Variants in WDR44 observed in about 807,000 individuals in gnomAD.
The protein encoded by WDR44 is WD repeat-containing protein 44.
Under a neutral mutation model 65.7 loss-of-function variants are expected in WDR44, and 9 were observed. That is an observed-to-expected ratio of 0.14 (90% CI 0.08 to 0.24). WDR44 has a LOEUF of 0.24. Ranked by LOEUF, WDR44 falls within the 10% of genes least tolerant of loss-of-function variation. The pLI is 1.00. For synonymous variants in WDR44, 220 were observed against 235.2 expected, an observed-to-expected ratio of 0.94 and a Z score of 0.59; for missense variants, 425 against 670.9, an observed-to-expected ratio of 0.63 and a Z score of 4.05.
Position 118,443,557 on chromosome X carries a change from C to T in WDR44, c.2385-3C>T. 1.7e-6 allele frequency: 2 copies of T among 1,207,496 alleles called. No homozygotes were observed. ...TTGCTTTTCCTTTCTCCCCAAAATTCAGCCATGATTTTACTTACCTCGTTA... is the reference window on the plus strand; with the variant it reads ...TTGCTTTTCCTTTCTCCCCAAAATTTAGCCATGATTTTACTTACCTCGTTA... On this transcript the variant is annotated splice_region_variant and splice_polypyrimidine_tract_variant and intron_variant, in intron 17 of 19. Transcript: ENST00000254029.
Position 118,417,822 on chromosome X carries a change from T to C in WDR44, c.1737+6863T>C, listed in dbSNP as rs2057070127. ...TCTTCTTCCTCAGGAACATCAGTTA[T>C]TCTTAGGTTTGGTGTTTAACATAAT... On this transcript the variant is annotated intron_variant, in intron 12 of 19. Coordinates refer to ENST00000254029, the MANE Select transcript of WDR44 (RefSeq NM_019045.5). Among the ~76,000 whole-genome samples the C allele has an allele frequency of 7.1e-5, 8 of 112,132 alleles. No individual in the cohort carries two copies. The Admixed American group carries it at 7.6e-4, about 11-fold the overall frequency.
Position 118,443,439 on chromosome X carries a change from T to C in WDR44, c.2385-121T>C, listed in dbSNP as rs2057318793. On this transcript the variant is annotated intron_variant, in intron 17 of 19. Coordinates refer to ENST00000254029, the MANE Select transcript of WDR44 (RefSeq NM_019045.5). ...TAGAGTGAGACCATGGGTCTACATATTCAACAAGACCCTTCAAGTGTTATT... is the reference window on the plus strand; with the variant it reads ...TAGAGTGAGACCATGGGTCTACATACTCAACAAGACCCTTCAAGTGTTATT... The C allele has an allele frequency of 4.6e-6, 4 of 860,373 alleles. No individual in the cohort carries two copies. In the East Asian group the frequency reaches 1.3e-4, roughly 29 times the overall value. 70.9% of individuals were successfully genotyped at this position (860,373 alleles called of 1,213,427 possible).
At chrX:118,373,651 T>C (rs1296699933) in intron 1 of WDR44, among the ~76,000 whole-genome samples, 4 of 111,423 alleles carry the variant, frequency 3.6e-5, no homozygotes. Flanking sequence ...ATAATTATCT[T>C]CTTTTAAGTC....
chrX:118,379,226 T>C (rs1440189320), intron 2 of WDR44, among the ~76,000 whole-genome samples: 2 of 110,920 alleles, frequency 1.8e-5, no homozygotes, highest in African/African-American at 6.6e-5. Context: ...GTATAAGATA[T>C]CACCAAATGG....
At chrX:118,448,393 G>C (rs888980883) in intron 19 of WDR44, among the ~76,000 whole-genome samples, 1 of 111,753 alleles carries the variant, frequency 8.9e-6, no homozygotes, top group African/African-American at 3.3e-5. Flanking sequence ...ATGGCAAAAG[G>C]TGCTGTCAGC....
At chrX:118,410,760 A>G in intron 11 of WDR44, 135 bp from the exon 12 acceptor site, 1 of 521,455 alleles carries the variant, frequency 1.9e-6, no homozygotes, top group Non-Finnish European at 3.1e-6. Flanking sequence ...TTATGCCTCA[A>G]TTGTTAGTAT....
intron 1 of WDR44, among the ~76,000 whole-genome samples, chrX:118,375,013 T>G (rs187352797): frequency 8.9e-6 from 1 of 111,951 alleles, no homozygotes; most frequent in African/African-American, 3.2e-5. Flanking sequence ...CTGTATAGTT[T>G]GTACACAGTT....
intron 2 of WDR44, among the ~76,000 whole-genome samples, chrX:118,380,084 GTAAA>G (rs1391350818): frequency 8.9e-6 from 1 of 111,737 alleles, no homozygotes; most frequent in Non-Finnish European, 1.9e-5. Context: ...TACATATTTA[GTAAA>G]TAAATATGAA....
chrX:118,426,947 TG>T (rs1445470961), intron 12 of WDR44, among the ~76,000 whole-genome samples: 2 of 111,455 alleles, frequency 1.8e-5, no homozygotes, highest in Non-Finnish European at 1.9e-5. Context: ...AAATAAAAAC[TG>T]GTATAACCCA....
At chrX:118,393,574 C>G (rs2056839405) in intron 4 of WDR44, among the ~76,000 whole-genome samples, 1 of 100,961 alleles carries the variant, frequency 9.9e-6, no homozygotes, top group African/African-American at 3.8e-5. Flanking sequence ...CCTGGGTGAT[C>G]AGAGTGAAAT....
intron 12 of WDR44, among the ~76,000 whole-genome samples, chrX:118,418,677 C>T (rs778487404): frequency 9.0e-6 from 1 of 110,721 alleles, no homozygotes; most frequent in Non-Finnish European, 1.9e-5. Flanking sequence ...TGGGAGGTGG[C>T]GCTTTCCAAA....
intron 14 of WDR44, among the ~76,000 whole-genome samples, chrX:118,438,659 G>A (rs1039179353): frequency 9.0e-6 from 1 of 110,534 alleles, no homozygotes; most frequent in Non-Finnish European, 1.9e-5. Context: ...GCCCAGGCTG[G>A]TCTCAAACTC....
At chrX:118,372,116 G>A (rs2056619791) in intron 1 of WDR44, among the ~76,000 whole-genome samples, 2 of 107,674 alleles carry the variant, frequency 1.9e-5, no homozygotes, top group South Asian at 3.9e-4. Context: ...GATTATATCC[G>A]TGTTTTATAT....
chrX:118,411,065 T>C, intron 12 of WDR44, 106 bp downstream of exon 12: 1 of 635,027 alleles, frequency 1.6e-6, no homozygotes, highest in Non-Finnish European at 2.3e-6. Flanking sequence ...AGACACTTAA[T>C]ATAAAATTAA....
At chrX:118,422,244 AT>A (rs773324860) in intron 12 of WDR44, among the ~76,000 whole-genome samples, 1 of 103,966 alleles carries the variant, frequency 9.6e-6, no homozygotes, top group Non-Finnish European at 1.9e-5. Flanking sequence ...AAAAAAAAAA[AT>A]ATATAGCCAA....
chrX:118,447,664 T>A (rs1029014070), intron 19 of WDR44, among the ~76,000 whole-genome samples: 1 of 109,594 alleles, frequency 9.1e-6, no homozygotes, highest in African/African-American at 3.3e-5. Context: ...GGCAGGAGGA[T>A]CACTTGAGAC....
intron 19 of WDR44, chrX:118,447,097 A>G (rs936823167): frequency 9.3e-6 from 3 of 321,894 alleles, no homozygotes; most frequent in African/African-American, 8.3e-5. Context: ...CTGGTCTCGA[A>G]CTTCTAGCCT....
chrX:118,388,931 C>G (rs764401521), intron 3 of WDR44, among the ~76,000 whole-genome samples: 2 of 112,229 alleles, frequency 1.8e-5, no homozygotes, highest in East Asian at 5.6e-4. Context: ...ACAATGTTAT[C>G]TAGCCATTTT....
intron 3 of WDR44, among the ~76,000 whole-genome samples, chrX:118,388,122 G>A (rs2056787739): frequency 9.0e-6 from 1 of 111,161 alleles, no homozygotes; most frequent in Admixed American, 9.6e-5. Context: ...TGTTTTAGCA[G>A]TATCCCCAGC....
Sources: allele counts gnomAD v4.1 joint callset (sites outside exome capture counted in the v4.1 genomes callset), GRCh38; gene constraint gnomAD v4.1.1; transcripts MANE v1.5; gene names NCBI Gene and HGNC (gene_info 2026-07-23, HGNC 2026-07-21).